Variants in DLG4 observed in about 807,000 individuals in gnomAD.
The protein encoded by DLG4 is disks large homolog 4.
DLG4 carries 7 observed loss-of-function variants against 93.8 expected under a neutral mutation model. The ratio of observed to expected loss-of-function variants is 0.07; its 90% CI spans 0.04 to 0.14. The LOEUF (loss-of-function observed/expected upper bound fraction) is 0.14. Among genes scored for constraint, DLG4 ranks in the 10% least tolerant of loss-of-function variants. The pLI, the probability that DLG4 is intolerant of heterozygous loss-of-function variation, is 1.00. For missense variants in DLG4, 545 were observed against 992.9 expected (o/e 0.55, Z 6.06); for synonymous variants, 341 against 387.6 (o/e 0.88, Z 1.41).
intron 1 of DLG4, among the ~76,000 whole-genome samples, chr17:7,213,176 C>A (rs2142923727): frequency 7.2e-6 from 1 of 138,196 alleles, no homozygotes. Flanking sequence ...CGGCTTACTG[C>A]AACATCCGGC....
At chr17:7,201,295 C>T (rs2070120436) in intron 8 of DLG4, among the ~76,000 whole-genome samples, 1 of 152,170 alleles carries the variant, frequency 6.6e-6, no homozygotes, top group Non-Finnish European at 1.5e-5. Flanking sequence ...AACTATTCTC[C>T]TTGTCTTGTT....
chr17:7,218,919 T>G, upstream of DLG4: 1 of 1,564,842 alleles, frequency 6.4e-7, no homozygotes, highest in Admixed American at 1.7e-5. Flanking sequence ...CCCCACTAAA[T>G]TCCAGCTGTG....
intron 2 of DLG4, chr17:7,204,532 G>A: frequency 7.2e-6 from 3 of 416,592 alleles, no homozygotes; most frequent in East Asian, 7.8e-5. Context: ...AGGAGAAGCG[G>A]GAAGGGAGAC....
chr17:7,193,769 T>C lies in DLG4; in HGVS notation c.1544-55A>G. 4 of 1,610,176 alleles carry C rather than the reference T, an allele frequency of 2.5e-6. No homozygotes were observed. Among genetic ancestry groups the C allele is most frequent in the Non-Finnish European group, 2.5e-6 (3 of 1,177,980 alleles). ...CTCTGAAACAGGGGACCTGGAGCCC[T>C]GTCTCCCCCTTGAGGATATCAAAAG... On this transcript the variant is annotated intron_variant, in intron 14 of 19. Transcript: ENST00000399506. This position sits in a 1 kb window ranked among gnomAD's most constrained non-coding sequence, Gnocchi z 6.7.
At chr17:7,218,396 T>C (rs933768791), upstream of DLG4, 51 of 1,393,678 alleles carry the variant, frequency 3.7e-5, no homozygotes, top group African/African-American at 5.7e-5. Flanking sequence ...CAGCCAAGGC[T>C]GGTCCACACT....
chr17:7,219,747 C>T (rs2071090522), upstream of DLG4: 1 of 1,452,408 alleles, frequency 6.9e-7, no homozygotes, highest in Admixed American at 2.4e-5. Context: ...CTAGGTCGGA[C>T]GGGCGGGATT....
Position 7,190,098 on chromosome 17 carries a change from C to T in DLG4, c.*610G>A, listed in dbSNP as rs1285267773. 3 of 140,064 alleles carry T rather than the reference C, an allele frequency of 2.1e-5. No individual in the cohort carries two copies. The highest frequency in any genetic ancestry group is 5.3e-5 in the African/African-American group (2 of 37,968). The allele number at this position is 140,064 out of a possible 1,614,324, so 8.7% of individuals were successfully genotyped here. On this transcript the variant is annotated 3_prime_UTR_variant, in exon 20 of 20. Coordinates refer to ENST00000399506, the MANE Select transcript of DLG4 (RefSeq NM_001321075.3). ...CCAGGAAAAAAAAAAAAAAAAGCCA[C>T]ATTTAGACCTTCCACTCATGCAAAC...
At chr17:7,212,514 G>A (rs1440551604) in intron 1 of DLG4, among the ~76,000 whole-genome samples, 2 of 151,974 alleles carry the variant, frequency 1.3e-5, no homozygotes, top group Admixed American at 6.6e-5. Context: ...CCAAACCCCC[G>A]AATCTAATAA....
chr17:7,213,998 G>C, intron 1 of DLG4: 5 of 385,460 alleles, frequency 1.3e-5, no homozygotes, highest in South Asian at 7.5e-5. Flanking sequence ...GGGCGCCATG[G>C]CCCATAAAGA....
chr17:7,193,611 A>C lies in DLG4; in HGVS notation c.1592-27T>G, dbSNP rs2069615088. ...TGCAGAGAGAGCCTGGCTTAGGCCG[A>C]GCGCAGGGTTGGGGGAGCAGCAAGT... On this transcript the variant is annotated intron_variant, in intron 15 of 19. Coordinates refer to ENST00000399506, the MANE Select transcript of DLG4 (RefSeq NM_001321075.3). This position sits in a 1 kb window ranked among gnomAD's most constrained non-coding sequence, Gnocchi z 6.7. The C allele has an allele frequency of 2.0e-6, 3 of 1,525,756 alleles. No individual in the cohort carries two copies. The highest frequency in any genetic ancestry group is 2.6e-6 in the Non-Finnish European group (3 of 1,139,390). The allele number at this position is 1,525,756 out of a possible 1,614,324, so 94.5% of individuals were successfully genotyped here. A position where few individuals can be genotyped will look rare whatever the true frequency, so the allele number is the denominator to read the frequency against.
chr17:7,212,161 CA>C (rs1353016022), intron 1 of DLG4, among the ~76,000 whole-genome samples: 1 of 140,498 alleles, frequency 7.1e-6, no homozygotes, highest in Non-Finnish European at 1.6e-5. Context: ...ACTTCTCTCA[CA>C]AGAACCCCCA....
intron 8 of DLG4, among the ~76,000 whole-genome samples, chr17:7,199,389 C>A (rs2069991961): frequency 2.6e-5 from 4 of 151,788 alleles, no homozygotes; most frequent in Admixed American, 2.6e-4. Context: ...TTAGTAGAGA[C>A]GGGGTTTCGC....
rs560944237 is a variant in DLG4, at chr17:7,190,619, G to A, written c.*89C>T. The stretch of plus-strand genomic sequence containing the variant: ...AATAAGAAGGGGTGGGAGGGAGGCC[G>A]GGGGGAGCCAAGGGCTTGGGCAATT... On this transcript the variant is annotated 3_prime_UTR_variant, in exon 20 of 20. Coordinates refer to ENST00000399506, the MANE Select transcript of DLG4 (RefSeq NM_001321075.3). 396 of 1,010,232 alleles carry A rather than the reference G, an allele frequency of 3.9e-4. 1 individual carries two copies. Among genetic ancestry groups the A allele is most frequent in the Non-Finnish European group, 5.5e-4 (350 of 639,524 alleles). 62.6% of individuals were successfully genotyped at this position (1,010,232 alleles called of 1,614,324 possible).
intron 2 of DLG4, chr17:7,205,251 G>T: frequency 1.1e-6 from 1 of 880,680 alleles, no homozygotes; most frequent in Non-Finnish European, 1.4e-6. Context: ...ACTTCATTCG[G>T]GAAAGGGTTA....
rs560548976 is a variant in DLG4 at position 7,211,247 on chromosome 17, A to AC, written c.31-3009dup. On this transcript the variant is annotated intron_variant, in intron 1 of 19. Transcript: ENST00000399506. ...AACTAAAGCAGGACGGGAAAGGAGG[A>AC]CCCCCCCCATCCTTTATCCTACTGG... Among the ~76,000 whole-genome samples the AC allele has an allele frequency of 1.4e-3, 202 of 145,498 alleles. 1 individual carries two copies. Among genetic ancestry groups the AC allele is most frequent in the East Asian group, 6.1e-3 (30 of 4,938 alleles).
At chr17:7,207,013 G>A (rs1223665497) in intron 2 of DLG4, among the ~76,000 whole-genome samples, 1 of 152,096 alleles carries the variant, frequency 6.6e-6, no homozygotes. Flanking sequence ...ACTGGAGAAT[G>A]GAAGGTCCCA....
chr17:7,193,884 A>G lies in DLG4; in HGVS notation c.1516-13T>C, dbSNP rs547798290. 6 of 1,612,370 alleles carry G rather than the reference A, an allele frequency of 3.7e-6. No homozygotes were observed. The East Asian group carries it at 1.3e-4, about 36-fold the overall frequency. ...TGGAGCCCCAGTCCTAAGAAGAAAAAGCAGGCCACGGGGTTAGTTATGAGC... is the reference window on the plus strand; with the variant it reads ...TGGAGCCCCAGTCCTAAGAAGAAAAGGCAGGCCACGGGGTTAGTTATGAGC... On this transcript the variant is annotated splice_polypyrimidine_tract_variant and intron_variant, in intron 13 of 19. Transcript: ENST00000399506. The surrounding 1 kb of genome is among the most constrained non-coding windows in gnomAD (Gnocchi z 6.7).
intron 2 of DLG4, among the ~76,000 whole-genome samples, chr17:7,205,490 C>T (rs757513524): frequency 6.6e-6 from 1 of 152,124 alleles, no homozygotes; most frequent in Non-Finnish European, 1.5e-5. Context: ...ATTCCCCAGT[C>T]TCCTTCCCGC....
At chr17:7,202,576 C>G in intron 8 of DLG4, 1 of 475,070 alleles carries the variant, frequency 2.1e-6, no homozygotes, top group Non-Finnish European at 3.7e-6. Context: ...TTCGAACTGG[C>G]CTTATAAAAT....
Sources: allele counts gnomAD v4.1 joint callset (sites outside exome capture counted in the v4.1 genomes callset), GRCh38; gene constraint gnomAD v4.1.1; non-coding constraint Gnocchi (gnomAD v3.1); transcripts MANE v1.5; gene names NCBI Gene and HGNC (gene_info 2026-07-23, HGNC 2026-07-21).